The following TLN2 variants were observed in gnomAD, a reference collection of about 807,000 sequenced individuals.
The protein encoded by TLN2 is talin-2.
In TLN2, 118 loss-of-function variants were observed where a neutral mutation model predicts 294.7. The ratio of observed to expected loss-of-function variants is 0.40; its 90% CI spans 0.34 to 0.47. TLN2 has a LOEUF of 0.47. TLN2 is among the 20% of genes least tolerant of loss of function. The pLI, the probability that TLN2 is intolerant of heterozygous loss-of-function variation, is 0.84. For missense variants in TLN2, 3,083 were observed against 3,282.2 expected, an observed-to-expected ratio of 0.94 and a Z score of 1.48; for synonymous variants, 1,431 against 1,304.5, an observed-to-expected ratio of 1.10 and a Z score of -2.09.
intron 32 of TLN2, among the ~76,000 whole-genome samples, chr15:62,745,990 C>CT (rs2061587935): frequency 6.6e-6 from 1 of 152,158 alleles, no homozygotes; most frequent in Non-Finnish European, 1.5e-5. Context: ...AACCCTTAGT[C>CT]TGTTGGTTTT....
At chr15:62,414,100 A>G (rs1258847333) in intron 1 of TLN2, among the ~76,000 whole-genome samples, 1 of 129,384 alleles carries the variant, frequency 7.7e-6, no homozygotes, top group Non-Finnish European at 1.6e-5. Flanking sequence ...CAGCTGGGCC[A>G]TTACAACTTC....
chr15:62,409,826 GA>G (rs2033654072), intron 1 of TLN2, among the ~76,000 whole-genome samples: 1 of 152,184 alleles, frequency 6.6e-6, no homozygotes, highest in Non-Finnish European at 1.5e-5. Context: ...CAGTGTAATA[GA>G]TCTTGGTATT....
At chr15:62,731,201 A>C (rs912551670) in intron 28 of TLN2, among the ~76,000 whole-genome samples, 1 of 151,408 alleles carries the variant, frequency 6.6e-6, no homozygotes, top group South Asian at 2.1e-4. Context: ...AATTTCTTCA[A>C]CATATTTATC....
intron 1 of TLN2, among the ~76,000 whole-genome samples, chr15:62,424,211 T>TA (rs1279292724): frequency 6.6e-6 from 1 of 152,158 alleles, no homozygotes; most frequent in Non-Finnish European, 1.5e-5. Flanking sequence ...GCCTTAAGCT[T>TA]AAAGATGGTA....
chr15:62,680,744 C>T (rs1411789935), intron 11 of TLN2, among the ~76,000 whole-genome samples: 1 of 152,060 alleles, frequency 6.6e-6, no homozygotes, highest in African/African-American at 2.4e-5. Flanking sequence ...CACCCTTTCC[C>T]TTCTGAGTCT....
chr15:62,595,473 G>A (rs2046417442), intron 2 of TLN2, among the ~76,000 whole-genome samples: 1 of 150,450 alleles, frequency 6.6e-6, no homozygotes, highest in South Asian at 2.1e-4. Flanking sequence ...TGGAGAAAAG[G>A]GAATGCTTGT....
At chr15:62,770,385 G>A (rs1386634987) in intron 41 of TLN2, among the ~76,000 whole-genome samples, 1 of 152,236 alleles carries the variant, frequency 6.6e-6, no homozygotes, top group African/African-American at 2.4e-5. Flanking sequence ...CTGTGCGGAG[G>A]CAGTGGTTCC....
At chr15:62,491,347 TATATACACACACACAC>T (rs1382181866) in intron 1 of TLN2, among the ~76,000 whole-genome samples, 11 of 82,308 alleles carry the variant, frequency 1.3e-4, no homozygotes, top group African/African-American at 5.7e-4. Flanking sequence ...AATATATATA[TATATACACACACACAC>T]ACACACACAC....
At chr15:62,691,690 GT>G (rs1278843222) in intron 12 of TLN2, among the ~76,000 whole-genome samples, 8 of 151,704 alleles carry the variant, frequency 5.3e-5, no homozygotes, top group Admixed American at 5.3e-4. Context: ...TAGGAGACCT[GT>G]TTTTTTTGGA....
At position 62,840,364 on chromosome 15, in the gene TLN2, C is replaced by G. The variant is rs941950010; in HGVS notation, c.7501-118C>G. On this transcript the variant is annotated intron_variant, in intron 58 of 58. Coordinates refer to ENST00000636159, the MANE Select transcript of TLN2 (RefSeq NM_015059.3). Reference sequence around the variant, plus strand: ...GTCGCCAGAGCTAAGAAAGCTGTTCCGGATGTGCTGCAGTGTCCCACGGTC... The same window carrying G: ...GTCGCCAGAGCTAAGAAAGCTGTTCGGGATGTGCTGCAGTGTCCCACGGTC... 1.4e-5 allele frequency: 20 copies of G among 1,419,996 alleles called. No individual in the cohort carries two copies. The Admixed American group carries it at 4.3e-4, about 30-fold the overall frequency. 88.0% of individuals were successfully genotyped at this position (1,419,996 alleles called of 1,614,324 possible).
At chr15:62,536,625 G>A (rs1055254111) in intron 1 of TLN2, among the ~76,000 whole-genome samples, 1 of 151,706 alleles carries the variant, frequency 6.6e-6, no homozygotes, top group African/African-American at 2.4e-5. Context: ...AGTGTAGATG[G>A]TAGATGTGCC....
intron 1 of TLN2, among the ~76,000 whole-genome samples, chr15:62,534,655 C>G (rs2041235862): frequency 6.6e-6 from 1 of 152,142 alleles, no homozygotes; most frequent in Non-Finnish European, 1.5e-5. Flanking sequence ...GCCCCGCTCC[C>G]CTCCTCTGAG....
chr15:62,399,598 C>T lies in TLN2; in HGVS notation c.-238+8913C>T, dbSNP rs116314617. ...CGAAGCTGTCCAAGGTCATGGGAAC[C>T]CACCTCTTGCATCAGTGTAATGTGG... On this transcript the variant is annotated intron_variant, in intron 1 of 58. Transcript: ENST00000636159. Among the ~76,000 whole-genome samples, 466 of 152,354 alleles carry T rather than the reference C, an allele frequency of 3.1e-3. 3 individuals are homozygous for T. The highest frequency in any genetic ancestry group is 0.011 in the African/African-American group (456 of 41,588).
At chr15:62,548,154 C>G (rs143513814) in intron 1 of TLN2, among the ~76,000 whole-genome samples, 1 of 152,190 alleles carries the variant, frequency 6.6e-6, no homozygotes, top group South Asian at 2.1e-4. Flanking sequence ...GGATGTCTGC[C>G]CTCGGAGGGA....
Position 62,434,955 on chromosome 15 carries a change from C to T in TLN2, c.-238+44270C>T, listed in dbSNP as rs375221033. ...CCAGACCCCAAAGTGTGTTGTTTCCCGCTATGTGTCCATGTGTTCCCATCA... is the reference window on the plus strand; with the variant it reads ...CCAGACCCCAAAGTGTGTTGTTTCCTGCTATGTGTCCATGTGTTCCCATCA... On this transcript the variant is annotated intron_variant, in intron 1 of 58. Coordinates refer to ENST00000636159, the MANE Select transcript of TLN2 (RefSeq NM_015059.3). 5.3e-4 allele frequency among the ~76,000 whole-genome samples: 80 copies of T among 152,256 alleles called. 2 individuals are homozygous for T. The highest frequency in any genetic ancestry group is 3.4e-3 in the Middle Eastern group (1 of 294).
At chr15:62,733,366 T>G (rs1455055800) in intron 28 of TLN2, among the ~76,000 whole-genome samples, 7 of 152,128 alleles carry the variant, frequency 4.6e-5, no homozygotes, top group African/African-American at 1.7e-4. Context: ...AGAGAGAGCG[T>G]GTGTGGAAAA....
At chr15:62,611,173 C>G (rs1246395709) in intron 2 of TLN2, among the ~76,000 whole-genome samples, 1 of 152,106 alleles carries the variant, frequency 6.6e-6, no homozygotes, top group Admixed American at 6.6e-5. Flanking sequence ...TTTATAAAGC[C>G]TCTTTATATC....
At position 62,650,111 on chromosome 15, in the gene TLN2, A is replaced by T. The variant is rs1288768426; in HGVS notation, c.164A>T (p.Asp55Val). ...QASDYGLFLS[D>V]EDPRKGIWLE... is the part of the protein sequence containing the mutation. Reference sequence around the variant, plus strand: ...TCTGACTATGGACTCTTTCTTTCGGATGAAGACCCGAGGAAAGGGATTTGG... The same window carrying T: ...TCTGACTATGGACTCTTTCTTTCGGTTGAAGACCCGAGGAAAGGGATTTGG... Residue 55 changes from aspartate (D) to valine (V), a missense_variant, in exon 5 of 59, where the codon GAT becomes GTT. By Grantham distance (152) the Asp-to-Val change is radical. Coordinates refer to ENST00000636159, the MANE Select transcript of TLN2 (RefSeq NM_015059.3). 1.9e-6 allele frequency: 3 copies of T among 1,613,978 alleles called. No individual in the cohort carries two copies. The highest frequency in any genetic ancestry group is 3.3e-5 in the Admixed American group (2 of 59,990).
chr15:62,488,013 G>A (rs2038503241), intron 1 of TLN2, among the ~76,000 whole-genome samples: 1 of 152,108 alleles, frequency 6.6e-6, no homozygotes, highest in East Asian at 1.9e-4. Flanking sequence ...AGGAGAGAGA[G>A]GCTGTAGTGA....
Sources: allele counts gnomAD v4.1 joint callset (sites outside exome capture counted in the v4.1 genomes callset), GRCh38; gene constraint gnomAD v4.1.1; transcripts MANE v1.5; gene names NCBI Gene and HGNC (gene_info 2026-07-23, HGNC 2026-07-21).